The following AK9 variants were observed in gnomAD, a reference collection of about 807,000 sequenced individuals.
The protein encoded by AK9 is adenylate kinase domain containing 1.
A neutral mutation model predicts 239.6 loss-of-function variants in AK9; 191 were observed. The observed-to-expected ratio is 0.80, with a 90% CI of 0.71 to 0.90. AK9 has a LOEUF of 0.90. AK9 is among the 40% of genes least tolerant of loss of function. The pLI is 0.00. For missense variants in AK9, 1,995 were observed against 2,214.7 expected (o/e 0.90, Z 1.99); for synonymous variants, 689 against 721.0 (o/e 0.96, Z 0.71).
intron 17 of AK9, among the ~76,000 whole-genome samples, chr6:109,599,572 C>T (rs1242661822): frequency 7.3e-6 from 1 of 137,430 alleles, no homozygotes; most frequent in Non-Finnish European, 1.6e-5. Flanking sequence ...TTTTTTGGTT[C>T]CATATGAACT....
chr6:109,553,020 T>C (rs568102947), intron 24 of AK9, among the ~76,000 whole-genome samples: 5 of 152,340 alleles, frequency 3.3e-5, no homozygotes, highest in South Asian at 2.1e-4. Context: ...GTTGTAGATA[T>C]ATGGTATTAT....
In AK9 at chr6:109,585,157, GTTC is replaced by G. The variant is rs1789344824; in HGVS notation, c.2077_2079del (p.Glu693del). On this transcript the variant is annotated inframe_deletion, in exon 19 of 41. Coordinates refer to ENST00000424296, the MANE Select transcript of AK9 (RefSeq NM_001145128.3). Reference sequence around the variant, plus strand: ...TCTTCTTCTTTTTTTTTCTTTTGTAGTTCTTCTAATAATCTTTCTAAAATCTTA... The same window carrying G: ...TCTTCTTCTTTTTTTTTCTTTTGTAGTTCTAATAATCTTTCTAAAATCTTA... 2 of 1,113,060 alleles carry G rather than the reference GTTC, an allele frequency of 1.8e-6. No homozygotes were observed. Among genetic ancestry groups the G allele is most frequent in the Non-Finnish European group, 2.3e-6 (2 of 863,048 alleles). The allele number at this position is 1,113,060 out of a possible 1,614,324, so 68.9% of individuals were successfully genotyped here.
intron 12 of AK9, among the ~76,000 whole-genome samples, chr6:109,622,557 T>A (rs1161195687): frequency 1.4e-5 from 2 of 145,880 alleles, no homozygotes; most frequent in African/African-American, 2.5e-5. Flanking sequence ...TTGCATATTA[T>A]ATTGTATATT....
At chr6:109,593,935 T>C (rs909934023) in intron 17 of AK9, among the ~76,000 whole-genome samples, 1 of 152,146 alleles carries the variant, frequency 6.6e-6, no homozygotes, top group African/African-American at 2.4e-5. Flanking sequence ...GCTGGAAGCA[T>C]TCCCTCTGAA....
intron 24 of AK9, among the ~76,000 whole-genome samples, chr6:109,560,633 A>G (rs1785634109): frequency 6.6e-6 from 1 of 152,172 alleles, no homozygotes; most frequent in Non-Finnish European, 1.5e-5. Flanking sequence ...ATGGTGTATT[A>G]TTCTTTTTGT....
intron 17 of AK9, among the ~76,000 whole-genome samples, chr6:109,590,466 A>G (rs1193500999): frequency 7.0e-6 from 1 of 143,376 alleles, no homozygotes; most frequent in African/African-American, 2.6e-5. Flanking sequence ...TTTTCACTTG[A>G]TTATCTAGCT....
At position 109,493,211 on chromosome 6, in the gene AK9, G is replaced by T; in HGVS notation, c.*158C>A. 1 of 665,542 alleles carries T rather than the reference G, an allele frequency of 1.5e-6. No individual in the cohort carries two copies. The highest frequency in any genetic ancestry group is 2.5e-6 in the Non-Finnish European group (1 of 394,180). The allele number at this position is 665,542 out of a possible 1,614,324, so 41.2% of individuals were successfully genotyped here. On this transcript the variant is annotated 3_prime_UTR_variant, in exon 41 of 41. Transcript: ENST00000424296. ...CCATAAGAGTGCTCCTTCCTGGCTG[G>T]CAGACCTTTGAGTTCACCTGAAGTC...
At chr6:109,547,846 C>CAAAAAAAAA (rs55899214) in intron 25 of AK9, among the ~76,000 whole-genome samples, 1 of 121,850 alleles carries the variant, frequency 8.2e-6, no homozygotes, top group African/African-American at 3.4e-5. Flanking sequence ...AGCTCAGTAG[C>CAAAAAAAAA]AAAAAAAAAA....
At chr6:109,524,854 T>C (rs766982026) in intron 29 of AK9, among the ~76,000 whole-genome samples, 16 of 152,156 alleles carry the variant, frequency 1.1e-4, no homozygotes, top group Non-Finnish European at 1.6e-4. Context: ...CTAAGGTTTT[T>C]ACAATATTAC....
Position 109,614,263 on chromosome 6 carries a change from C to T in AK9, c.1529G>A (p.Ser510Asn). 6.4e-7 allele frequency: 1 copy of T among 1,551,444 alleles called. No homozygotes were observed. The highest frequency in any genetic ancestry group is 8.7e-7 in the Non-Finnish European group (1 of 1,146,762). Reference protein sequence around the residue: ...YIQGSQRDRGSSLVDTEEAKT... With the variant: ...YIQGSQRDRGNSLVDTEEAKT... ...GGCTTCTTCGGTGTCCACTAAAGAG[C>T]TGCCTCTGTCCCTTTGGGAGCCTTG... The change falls in exon 15 of 41, where the codon AGC becomes AAC. Residue 510 changes from serine to asparagine, a missense_variant. Physicochemically the swap from Ser to Asn is conservative, Grantham distance 46. Around this residue, in one of 5 missense-constraint regions of AK9, gnomAD observed 1,290 missense variants for 1,392.7 expected, o/e 0.93. Coordinates refer to ENST00000424296, the MANE Select transcript of AK9 (RefSeq NM_001145128.3).
intron 32 of AK9, among the ~76,000 whole-genome samples, chr6:109,510,126 G>T (rs866819160): frequency 6.7e-4 from 102 of 152,114 alleles, no homozygotes; most frequent in African/African-American, 2.4e-3. Flanking sequence ...TGGGGGCTGG[G>T]ATGCCGGTCT....
chr6:109,630,516 T>C (rs2128268388), intron 12 of AK9, among the ~76,000 whole-genome samples: 1 of 152,340 alleles, frequency 6.6e-6, no homozygotes, highest in East Asian at 1.9e-4. Flanking sequence ...TAAGTCAATG[T>C]AGTATTGGCA....
At chr6:109,670,831 A>G (rs1193491263) in intron 5 of AK9, among the ~76,000 whole-genome samples, 1 of 152,084 alleles carries the variant, frequency 6.6e-6, no homozygotes, top group African/African-American at 2.4e-5. Context: ...CATATTCTGG[A>G]TATTTTGCCG....
intron 8 of AK9, among the ~76,000 whole-genome samples, chr6:109,650,895 G>A (rs1422537378): frequency 1.3e-5 from 2 of 152,124 alleles, no homozygotes; most frequent in Admixed American, 1.3e-4. Context: ...GGAATACTAC[G>A]CAGCCATAAA....
chr6:109,562,195 G>A (rs1344043151), intron 24 of AK9, among the ~76,000 whole-genome samples: 1 of 152,138 alleles, frequency 6.6e-6, no homozygotes, highest in Non-Finnish European at 1.5e-5. Context: ...ACAGATCACT[G>A]ATGCTCTTCT....
chr6:109,516,817 G>T (rs1040773178), intron 29 of AK9, among the ~76,000 whole-genome samples, 175 bp from the exon 30 acceptor site: 1 of 152,128 alleles, frequency 6.6e-6, no homozygotes, highest in South Asian at 2.1e-4. Flanking sequence ...GGGTGTTATA[G>T]AACACTTTTT....
chr6:109,510,298 C>T (rs1778589109), intron 32 of AK9, among the ~76,000 whole-genome samples: 1 of 152,138 alleles, frequency 6.6e-6, no homozygotes, highest in Non-Finnish European at 1.5e-5. Flanking sequence ...AGAGAGATAA[C>T]AGGATGACCA....
intron 17 of AK9, among the ~76,000 whole-genome samples, chr6:109,604,669 T>C (rs887996184): frequency 2.0e-5 from 3 of 152,246 alleles, no homozygotes; most frequent in Admixed American, 2.0e-4. Flanking sequence ...TACTTCTTTG[T>C]TGAACTGTTC....
intron 8 of AK9, among the ~76,000 whole-genome samples, chr6:109,652,125 C>T (rs867788645): frequency 1.1e-4 from 17 of 152,292 alleles, no homozygotes; most frequent in African/African-American, 2.9e-4. Context: ...AGACCAAGAT[C>T]CCTGATGAAC....
Sources: gnomAD v4.1 joint callset for allele counts (sites outside exome capture counted in the v4.1 genomes callset) on GRCh38, gnomAD v4.1.1 for gene constraint, gnomAD v4.1.1 regional missense constraint, MANE v1.5 for transcripts, NCBI Gene and HGNC (gene_info 2026-07-23, HGNC 2026-07-21) for gene names.